Variants in ZFYVE9 observed in about 807,000 individuals in gnomAD.
ZFYVE9 encodes the protein zinc finger FYVE-type containing 9.
Under a neutral mutation model 126.7 loss-of-function variants are expected in ZFYVE9, and 43 were observed. The ratio of observed to expected loss-of-function variants is 0.34; its 90% CI spans 0.27 to 0.44. The LOEUF (loss-of-function observed/expected upper bound fraction) is 0.44, where lower values mean the gene tolerates loss of function less well. Among genes scored for constraint, ZFYVE9 ranks in the 20% least tolerant of loss-of-function variants. The probability of loss-of-function intolerance (pLI) is 1.00; values close to 1 mark genes in which losing one functional copy is unlikely to be tolerated. For missense variants in ZFYVE9, 1,476 were observed against 1,697.0 expected, an observed-to-expected ratio of 0.87 and a Z score of 2.29; for synonymous variants, 521 against 597.4, an observed-to-expected ratio of 0.87 and a Z score of 1.87.
At chr1:52,294,918 C>T (rs1277515485) in intron 11 of ZFYVE9, among the ~76,000 whole-genome samples, 1 of 152,222 alleles carries the variant, frequency 6.6e-6, no homozygotes, top group Non-Finnish European at 1.5e-5. Context: ...AGAATGAACT[C>T]TTGGCTGAGT....
At chr1:52,290,895 T>G (rs1645912949) in intron 10 of ZFYVE9, among the ~76,000 whole-genome samples, 1 of 152,174 alleles carries the variant, frequency 6.6e-6, no homozygotes, top group African/African-American at 2.4e-5. Context: ...CATCTGGAAT[T>G]TAATATAGTT....
At chr1:52,314,131 C>G (rs571139509) in intron 13 of ZFYVE9, among the ~76,000 whole-genome samples, 99 of 152,158 alleles carry the variant, frequency 6.5e-4, no homozygotes, top group African/African-American at 2.3e-3. Flanking sequence ...ACCCCAATTG[C>G]AAGAAACAGG....
intron 10 of ZFYVE9, among the ~76,000 whole-genome samples, chr1:52,283,321 A>G (rs972492344): frequency 6.6e-6 from 1 of 152,214 alleles, no homozygotes; most frequent in Admixed American, 6.5e-5. Context: ...TGTCTTATTT[A>G]GGAGCCCATG....
chr1:52,168,917 G>A (rs191044990), intron 1 of ZFYVE9, among the ~76,000 whole-genome samples: 21 of 152,124 alleles, frequency 1.4e-4, no homozygotes, highest in African/African-American at 4.8e-4. Flanking sequence ...AGTGGCAGTT[G>A]GCCGACCCTA....
At chr1:52,185,773 T>G (rs1027734540) in intron 1 of ZFYVE9, among the ~76,000 whole-genome samples, 1 of 151,384 alleles carries the variant, frequency 6.6e-6, no homozygotes, top group African/African-American at 2.4e-5. Context: ...AATATAAAAA[T>G]TAGCTGGGCA....
rs757721919 is a variant in ZFYVE9, at chr1:52,278,532, G to A, written c.2787G>A (p.Met929Ile). Residue 929 changes from methionine (M) to isoleucine (I), a missense_variant, in exon 9 of 19, where the codon ATG (methionine) becomes ATA (isoleucine). Met to Ile is a conservative substitution (Grantham distance 10). Coordinates refer to ENST00000287727, the MANE Select transcript of ZFYVE9 (RefSeq NM_004799.4). The stretch of plus-strand genomic sequence containing the variant: ...AGAAACCATCACAGATTTCAGTAAT[G>A]CAGCAGTTGGAGGATGGTGGCCCTG... ...VEEKPSQISV[M>I]QQLEDGGPDP... 2.5e-6 allele frequency: 4 copies of A among 1,613,824 alleles called. No individual in the cohort carries two copies.
At chr1:52,344,505 A>G (rs1051287246) in intron 17 of ZFYVE9, among the ~76,000 whole-genome samples, 4 of 152,208 alleles carry the variant, frequency 2.6e-5, no homozygotes, top group Non-Finnish European at 4.4e-5. Context: ...AGAATGTGCC[A>G]TTGCAACCAT....
At chr1:52,148,019 A>G (rs1644320302) in intron 1 of ZFYVE9, among the ~76,000 whole-genome samples, 1 of 151,932 alleles carries the variant, frequency 6.6e-6, no homozygotes, top group Admixed American at 6.6e-5. Context: ...CTAACCTCAA[A>G]TGATCCACCC....
chr1:52,341,785 T>A (rs1419203780), intron 17 of ZFYVE9, among the ~76,000 whole-genome samples: 1 of 152,240 alleles, frequency 6.6e-6, no homozygotes, highest in African/African-American at 2.4e-5. Context: ...GCAGTAGTCC[T>A]AAGGGACTCA....
At chr1:52,251,556 T>G (rs911218607) in intron 4 of ZFYVE9, among the ~76,000 whole-genome samples, 47 of 152,206 alleles carry the variant, frequency 3.1e-4, no homozygotes, top group Admixed American at 7.9e-4. Flanking sequence ...AAATATCACT[T>G]GGTCATGGTG....
In ZFYVE9 at chr1:52,316,599, A is replaced by C. The variant is rs182514117; in HGVS notation, c.3438+12674A>C. 2.0e-5 allele frequency among the ~76,000 whole-genome samples: 3 copies of C among 152,310 alleles called. No individual in the cohort carries two copies. In the East Asian group the frequency reaches 5.8e-4, roughly 29 times the overall value. On this transcript the variant is annotated intron_variant, in intron 13 of 18. Transcript: ENST00000287727. The stretch of plus-strand genomic sequence containing the variant: ...AGAACATATATTACAACCAGGGATA[A>C]AGAAATACATACCATATTTATAAAG...
chr1:52,161,365 C>G (rs1644457542), intron 1 of ZFYVE9, among the ~76,000 whole-genome samples: 1 of 152,218 alleles, frequency 6.6e-6, no homozygotes, highest in African/African-American at 2.4e-5. Flanking sequence ...TCTCAGCTCA[C>G]TGCAACCTCC....
chr1:52,336,094 A>G (rs930431382), intron 15 of ZFYVE9, among the ~76,000 whole-genome samples: 4 of 151,928 alleles, frequency 2.6e-5, no homozygotes, highest in African/African-American at 9.7e-5. Flanking sequence ...AGATTGTGCC[A>G]TTGTACTCCA....
intron 16 of ZFYVE9, among the ~76,000 whole-genome samples, chr1:52,338,747 C>A (rs1646410743): frequency 6.6e-6 from 1 of 152,184 alleles, no homozygotes. Flanking sequence ...TGTGGTGGCT[C>A]ACGCCTGTAA....
chr1:52,297,061 C>G (rs1168245900), intron 12 of ZFYVE9, among the ~76,000 whole-genome samples: 2 of 152,062 alleles, frequency 1.3e-5, no homozygotes, highest in Admixed American at 1.3e-4. Context: ...CTGCCTCAGC[C>G]TCCCAAAGTG....
intron 13 of ZFYVE9, among the ~76,000 whole-genome samples, chr1:52,318,370 ATGTGTGTGTGTGTGTGTGTGTGTGTG>A (rs59683935): frequency 4.2e-5 from 6 of 144,396 alleles, no homozygotes; most frequent in East Asian, 4.1e-4. Context: ...GCATGATTGT[ATGTGTGTGTGTGTGTGTGTGTGTGTG>A]TGTGTGTGTG....
chr1:52,146,483 T>G (rs1448162648), intron 1 of ZFYVE9, among the ~76,000 whole-genome samples: 1 of 152,204 alleles, frequency 6.6e-6, no homozygotes, highest in Non-Finnish European at 1.5e-5. Context: ...TGCCAGTCTT[T>G]TCTTATAACC....
chr1:52,239,755 T>C (rs3790522), intron 4 of ZFYVE9, among the ~76,000 whole-genome samples, 160 bp downstream of exon 4: 34,673 of 152,158 alleles, frequency 0.23, 8,192 homozygotes, highest in African/African-American at 0.6. Flanking sequence ...TAAAAAATGA[T>C]GTCACTGATT....
intron 2 of ZFYVE9, among the ~76,000 whole-genome samples, chr1:52,229,968 C>T (rs1168227371): frequency 5.9e-5 from 9 of 151,556 alleles, no homozygotes; most frequent in Admixed American, 1.3e-4. Context: ...CCCAGGTTCA[C>T]GCCATTCTCC....
Sources: gnomAD v4.1 joint callset for allele counts (sites outside exome capture counted in the v4.1 genomes callset) on GRCh38, gnomAD v4.1.1 for gene constraint, MANE v1.5 for transcripts, NCBI Gene and HGNC (gene_info 2026-07-23, HGNC 2026-07-21) for gene names.